GRXCR1: variants seen among roughly 807,000 people sequenced by gnomAD.
GRXCR1 encodes glutaredoxin domain-containing cysteine-rich protein 1.
In GRXCR1, 27 loss-of-function variants were observed where a neutral mutation model predicts 27.3. The ratio of observed to expected loss-of-function variants is 0.99; its 90% CI spans 0.73 to 1.37. GRXCR1 has a LOEUF of 1.37. GRXCR1 is among the 40% of genes most tolerant of loss of function. The probability of loss-of-function intolerance (pLI) is 0.00; values close to 1 mark genes in which losing one functional copy is unlikely to be tolerated. For synonymous variants in GRXCR1, 122 were observed against 131.1 expected, an observed-to-expected ratio of 0.93 and a Z score of 0.47; for missense variants, 379 against 354.4, an observed-to-expected ratio of 1.07 and a Z score of -0.56.
At chr4:42,933,397 T>C (rs1747377060) in intron 1 of GRXCR1, among the ~76,000 whole-genome samples, 1 of 151,862 alleles carries the variant, frequency 6.6e-6, no homozygotes, top group East Asian at 1.9e-4. Context: ...CCTGGGTCTG[T>C]TAGAGTCAGC....
intron 1 of GRXCR1, among the ~76,000 whole-genome samples, chr4:42,949,376 A>C (rs921105402): frequency 7.4e-5 from 7 of 93,990 alleles, no homozygotes; most frequent in African/African-American, 1.7e-4. Flanking sequence ...AAAAAAAAAA[A>C]CAACTTTAAA....
intron 1 of GRXCR1, among the ~76,000 whole-genome samples, chr4:42,906,271 A>G (rs1746589295): frequency 6.6e-6 from 1 of 152,142 alleles, no homozygotes; most frequent in South Asian, 2.1e-4. Flanking sequence ...TATTCTCTGT[A>G]TAGTAAGATG....
At chr4:42,918,875 A>G (rs1746944770) in intron 1 of GRXCR1, among the ~76,000 whole-genome samples, 1 of 152,042 alleles carries the variant, frequency 6.6e-6, no homozygotes, top group South Asian at 2.1e-4. Flanking sequence ...AAGCGAGTGG[A>G]GTCTAGAGTT....
intron 1 of GRXCR1, among the ~76,000 whole-genome samples, chr4:42,921,015 A>G (rs1746997605): frequency 6.6e-6 from 1 of 152,044 alleles, no homozygotes; most frequent in South Asian, 2.1e-4. Context: ...ACCTACATCC[A>G]CTTTTTACTC....
intron 1 of GRXCR1, among the ~76,000 whole-genome samples, chr4:42,901,306 A>G (rs568429019): frequency 6.6e-6 from 1 of 152,304 alleles, no homozygotes; most frequent in Admixed American, 6.5e-5. Flanking sequence ...ATCTCTTCAC[A>G]GTTATGGAGG....
Position 42,893,071 on chromosome 4 carries a change from GCA to G in GRXCR1, c.-183_-182del, listed in dbSNP as rs138011779. On this transcript the variant is annotated 5_prime_UTR_variant, in exon 1 of 4. Coordinates refer to ENST00000399770, the MANE Select transcript of GRXCR1 (RefSeq NM_001080476.3). ...GGGTTTTAGTTTAAAGGTAACCATA[GCA>G]CACACACACACATTTATTATTAATA... 6.6e-6 allele frequency among the ~76,000 whole-genome samples: 1 copy of G among 151,882 alleles called. No homozygotes were observed. The highest frequency in any genetic ancestry group is 2.4e-5 in the African/African-American group (1 of 41,360).
intron 3 of GRXCR1, among the ~76,000 whole-genome samples, chr4:43,026,915 G>C (rs1042097709): frequency 5.3e-5 from 8 of 152,126 alleles, no homozygotes; most frequent in Non-Finnish European, 1.2e-4. Flanking sequence ...GAAGTAGCCC[G>C]AGAATCTTTC....
chr4:42,952,036 C>A (rs770971576), intron 1 of GRXCR1, among the ~76,000 whole-genome samples: 8 of 152,094 alleles, frequency 5.3e-5, no homozygotes, highest in Non-Finnish European at 1.0e-4. Flanking sequence ...CTGAAGAAAT[C>A]TTTTTATGCA....
chr4:42,981,326 T>C (rs979278371), intron 2 of GRXCR1, among the ~76,000 whole-genome samples: 1 of 152,104 alleles, frequency 6.6e-6, no homozygotes, highest in African/African-American at 2.4e-5. Flanking sequence ...CCTCTCCAAT[T>C]TTACTCCACA....
chr4:42,901,878 G>T (rs1414420957), intron 1 of GRXCR1, among the ~76,000 whole-genome samples: 1 of 152,152 alleles, frequency 6.6e-6, no homozygotes, highest in Non-Finnish European at 1.5e-5. Flanking sequence ...TCCTTTGGCT[G>T]AAAGGATGGT....
chr4:42,898,453 G>GT (rs904512169), intron 1 of GRXCR1, among the ~76,000 whole-genome samples: 5 of 151,774 alleles, frequency 3.3e-5, no homozygotes, highest in Admixed American at 3.3e-4. Context: ...CTCAGGATGG[G>GT]TAGTGTTAAC....
chr4:42,969,563 G>A (rs770262185), intron 2 of GRXCR1, among the ~76,000 whole-genome samples: 24 of 151,952 alleles, frequency 1.6e-4, no homozygotes, highest in Non-Finnish European at 3.2e-4. Context: ...GGAGAGAGAG[G>A]GATCGAGAGA....
intron 2 of GRXCR1, among the ~76,000 whole-genome samples, chr4:42,987,819 T>C (rs114172285): frequency 0.031 from 4,649 of 152,300 alleles, 81 homozygotes; most frequent in South Asian, 0.058. Context: ...AATTTAGATC[T>C]CTACAAAACG....
At chr4:43,000,474 TAAAAAAAAAAA>T (rs35604158) in intron 2 of GRXCR1, among the ~76,000 whole-genome samples, 1 of 112,784 alleles carries the variant, frequency 8.9e-6, no homozygotes, top group African/African-American at 3.5e-5. Flanking sequence ...GGCTCTATCT[TAAAAAAAAAAA>T]AAAAAAAAAA....
chr4:42,987,375 T>C (rs986049337), intron 2 of GRXCR1, among the ~76,000 whole-genome samples: 2 of 150,092 alleles, frequency 1.3e-5, no homozygotes, highest in African/African-American at 4.9e-5. Context: ...TTCAAACTCC[T>C]GAGATCAAGT....
chr4:42,956,874 CCTT>C, intron 1 of GRXCR1, among the ~76,000 whole-genome samples: 1 of 152,212 alleles, frequency 6.6e-6, no homozygotes, highest in African/African-American at 2.4e-5. Flanking sequence ...TAGTGCAACT[CCTT>C]CTATCCTTCC....
At chr4:43,014,054 CAA>C (rs3047831) in intron 2 of GRXCR1, among the ~76,000 whole-genome samples, 2,320 of 123,690 alleles carry the variant, frequency 0.019, 47 homozygotes, top group African/African-American at 0.053. Context: ...TACATAATTG[CAA>C]AAAAAAAAAA....
intron 2 of GRXCR1, among the ~76,000 whole-genome samples, chr4:43,007,870 C>T (rs962118304): frequency 6.6e-5 from 10 of 152,110 alleles, no homozygotes; most frequent in African/African-American, 2.4e-4. Flanking sequence ...TTGGCTTTTA[C>T]TCTCACACCT....
Position 43,020,351 on chromosome 4 carries a change from T to C in GRXCR1, c.628-3T>C. On this transcript the variant is annotated splice_region_variant and splice_polypyrimidine_tract_variant and intron_variant, in intron 2 of 3. Coordinates refer to ENST00000399770, the MANE Select transcript of GRXCR1 (RefSeq NM_001080476.3). ...TTTTCTCCCTACTCTCTCTCGTTAA[T>C]AGGGTGCTGAGAAAATTTTGTCAAT... 6.2e-7 allele frequency: 1 copy of C among 1,600,180 alleles called. No homozygotes were observed. Among genetic ancestry groups the C allele is most frequent in the Non-Finnish European group, 8.6e-7 (1 of 1,167,412 alleles).
Sources: gnomAD v4.1 joint callset for allele counts (sites outside exome capture counted in the v4.1 genomes callset) on GRCh38, gnomAD v4.1.1 for gene constraint, MANE v1.5 for transcripts, NCBI Gene and HGNC (gene_info 2026-07-23, HGNC 2026-07-21) for gene names.